ALS2: variants seen among roughly 807,000 people sequenced by gnomAD.
ALS2 encodes the protein alsin Rho guanine nucleotide exchange factor ALS2.
A neutral mutation model predicts 203.4 loss-of-function variants in ALS2; 117 were observed. The observed-to-expected ratio is 0.58, with a 90% confidence interval of 0.50 to 0.67. The LOEUF (loss-of-function observed/expected upper bound fraction) is 0.67, where lower values mean the gene tolerates loss of function less well. ALS2 is among the 30% of genes least tolerant of loss of function. The pLI is 0.00. For synonymous variants in ALS2, 718 were observed against 725.9 expected (o/e 0.99, Z 0.17); for missense variants, 1,715 against 1,989.4 (o/e 0.86, Z 2.62).
chr2:201,746,562 T>G lies in ALS2; in HGVS notation c.1998+4A>C, dbSNP rs773142036. 9 of 1,613,994 alleles carry G rather than the reference T, an allele frequency of 5.6e-6. No homozygotes were observed. The highest frequency in any genetic ancestry group is 1.3e-5 in the African/African-American group (1 of 74,934). On this transcript the variant is annotated splice_donor_region_variant and intron_variant, in intron 9 of 33. Coordinates refer to ENST00000264276, the MANE Select transcript of ALS2 (RefSeq NM_020919.4). ...GTGGGCCTTAGGATCCAATTCCTGT[T>G]CACCTTACTACAGGAGAGAAGTACT...
At chr2:201,726,321 T>C (rs1691160187) in intron 19 of ALS2, among the ~76,000 whole-genome samples, 163 bp downstream of exon 19, 1 of 152,196 alleles carries the variant, frequency 6.6e-6, no homozygotes, top group Non-Finnish European at 1.5e-5. Context: ...TCAGAGGCTG[T>C]ACCCCTCACT....
In ALS2 at chr2:201,761,261, T is replaced by C. The variant is rs754027269; in HGVS notation, c.733A>G (p.Lys245Glu). Residue 245 changes from lysine (K) to glutamate (E), a missense_variant, in exon 4 of 34, where the codon AAA becomes GAA. By Grantham distance (56) the Lys-to-Glu change is moderately conservative. This residue lies in a region of ALS2 where 476 missense variants were observed against 539.3 expected (regional missense o/e 0.88). Transcript: ENST00000264276. ...TCTGATATAATCACATGGTCTTCTT[T>C]GTCAGTCATAGTAATCAAGAGCTGG... Reference protein sequence around the residue: ...CSQLLITMTDKEDHVIISDSH... With the variant: ...CSQLLITMTDEEDHVIISDSH... The C allele has an allele frequency of 6.2e-7, 1 of 1,614,174 alleles. No individual in the cohort carries two copies. The highest frequency in any genetic ancestry group is 1.1e-5 in the South Asian group (1 of 91,080).
At chr2:201,762,006 ACT>A (rs1420939919) in intron 3 of ALS2, among the ~76,000 whole-genome samples, 188 bp from the exon 4 acceptor site, 2 of 152,090 alleles carry the variant, frequency 1.3e-5, no homozygotes, top group Non-Finnish European at 2.9e-5. Flanking sequence ...TTTAAAAATG[ACT>A]CTTTTTAATA....
Position 201,701,782 on chromosome 2 carries a change from A to G in ALS2, c.*69T>C. ...TTCAACACTGTTCTTTTTTGCCACTACAGGAAGACTCCAGATGGTGTTATA... is the reference window on the plus strand; with the variant it reads ...TTCAACACTGTTCTTTTTTGCCACTGCAGGAAGACTCCAGATGGTGTTATA... On this transcript the variant is annotated 3_prime_UTR_variant, in exon 34 of 34. Coordinates refer to ENST00000264276, the MANE Select transcript of ALS2 (RefSeq NM_020919.4). The G allele has an allele frequency of 4.1e-6, 6 of 1,461,228 alleles. No homozygotes were observed. The highest frequency in any genetic ancestry group is 5.8e-6 in the Non-Finnish European group (6 of 1,042,272). The allele number at this position is 1,461,228 out of a possible 1,614,324, so 90.5% of individuals were successfully genotyped here. A position where few individuals can be genotyped will look rare whatever the true frequency, so the allele number is the denominator to read the frequency against.
intron 10 of ALS2, among the ~76,000 whole-genome samples, chr2:201,743,704 T>C (rs1692443199): frequency 6.6e-6 from 1 of 152,180 alleles, no homozygotes; most frequent in African/African-American, 2.4e-5. Flanking sequence ...CTCGAACTCC[T>C]GACCTCATGA....
chr2:201,728,367 T>C (rs1691329139), intron 15 of ALS2, 145 bp downstream of exon 15: 14 of 1,160,426 alleles, frequency 1.2e-5, no homozygotes, highest in Non-Finnish European at 1.5e-5. Flanking sequence ...GTCCTTGCTA[T>C]AGTTTGCTGA....
chr2:201,753,243 C>T lies in ALS2; in HGVS notation c.1641-1G>A. ...ACATTTTACACACAACGGTTGAAGC[C>T]TTAAAAAGAAACACACAGGCACACA... On this transcript the variant is annotated splice_acceptor_variant, in intron 6 of 33. Transcript: ENST00000264276. LOFTEE classifies it high-confidence loss of function. 6.2e-7 allele frequency: 1 copy of T among 1,613,526 alleles called. No homozygotes were observed. The highest frequency in any genetic ancestry group is 8.5e-7 in the Non-Finnish European group (1 of 1,179,518).
At position 201,710,864 on chromosome 2, in the gene ALS2, C is replaced by A. The variant is rs1689986074; in HGVS notation, c.4122+127G>T. 5.9e-6 allele frequency: 4 copies of A among 677,580 alleles called. No individual in the cohort carries two copies. In the South Asian group the frequency reaches 6.9e-5, roughly 12 times the overall value. 42.0% of individuals were successfully genotyped at this position (677,580 alleles called of 1,614,324 possible). A position where few individuals can be genotyped will look rare whatever the true frequency, so the allele number is the denominator to read the frequency against. On this transcript the variant is annotated intron_variant, in intron 26 of 33. Coordinates refer to ENST00000264276, the MANE Select transcript of ALS2 (RefSeq NM_020919.4). ...GTAATCTTGGTAGTTTGATAATTAA[C>A]AAAAGAAATGCACAGGATGCAAAAA...
chr2:201,758,102 GC>G (rs1693512669), intron 4 of ALS2, among the ~76,000 whole-genome samples: 1 of 152,118 alleles, frequency 6.6e-6, no homozygotes, highest in Non-Finnish European at 1.5e-5. Flanking sequence ...TGCCTTTAAT[GC>G]CAAGTGCACT....
Position 201,728,640 on chromosome 2 carries a change from C to T in ALS2, c.2713G>A (p.Asp905Asn), listed in dbSNP as rs1691348038. The change falls in exon 15 of 34, where the codon GAT (aspartate) becomes AAT (asparagine). Residue 905 changes from aspartate (D) to asparagine (N), a missense_variant and splice_region_variant. Physicochemically the swap from Asp to Asn is conservative, Grantham distance 23. This residue lies in a region of ALS2 where 1,227 missense variants were observed against 1,413.5 expected (regional missense o/e 0.87). Transcript: ENST00000264276. ...FWKTFPGKMTDSLRKPERRLL... is the reference protein window; with the variant it reads ...FWKTFPGKMTNSLRKPERRLL... ...CGACGCTCTGGCTTCCTCAAGGAAT[C>T]CTGGAATTAAAGACAAATATAATAC... is the stretch of plus-strand genomic sequence containing the variant. The T allele has an allele frequency of 1.2e-6, 2 of 1,613,714 alleles. No individual in the cohort carries two copies. Among genetic ancestry groups the T allele is most frequent in the Admixed American group, 1.7e-5 (1 of 59,994 alleles).
At chr2:201,779,537 C>G (rs556114225) in intron 1 of ALS2, among the ~76,000 whole-genome samples, 2 of 152,204 alleles carry the variant, frequency 1.3e-5, no homozygotes, top group East Asian at 3.9e-4. Context: ...AGTTCCCTTC[C>G]CCATCACTTA....
intron 8 of ALS2, among the ~76,000 whole-genome samples, chr2:201,748,820 TTAAA>T (rs1692838091): frequency 6.6e-6 from 1 of 152,262 alleles, no homozygotes; most frequent in Non-Finnish European, 1.5e-5. Flanking sequence ...TGTAAAAATC[TTAAA>T]TAGTGACAGA....
chr2:201,719,889 G>A (rs1164210949), intron 23 of ALS2: 1 of 205,976 alleles, frequency 4.9e-6, no homozygotes, highest in Non-Finnish European at 9.9e-6. Context: ...CTCCTAGGAA[G>A]ACAAAAAGTA....
intron 19 of ALS2, 116 bp from the exon 20 acceptor site, chr2:201,725,570 G>T: frequency 1.1e-6 from 1 of 896,936 alleles, no homozygotes; most frequent in Non-Finnish European, 1.8e-6. Context: ...TTCACCTGTA[G>T]GAGTAAAGGG....
intron 3 of ALS2, among the ~76,000 whole-genome samples, chr2:201,765,124 AGTAGCTGGGACTACAG>A (rs1377317924): frequency 6.6e-6 from 1 of 152,110 alleles, no homozygotes; most frequent in African/African-American, 2.4e-5. Context: ...CAGCCTCTGA[AGTAGCTGGGACTACAG>A]GCGCAGGCCT....
Position 201,761,632 on chromosome 2 carries a change from CCAG to C in ALS2, c.359_361del (p.Ala120del), listed in dbSNP as rs1693774824. 1.9e-6 allele frequency: 3 copies of C among 1,614,066 alleles called. No homozygotes were observed. Among genetic ancestry groups the C allele is most frequent in the Non-Finnish European group, 2.5e-6 (3 of 1,180,046 alleles). ...CTGCTGGTTGGCTACTGCACACTGG[CCAG>C]CAGAATTCTCTCCCCACATGTACGC... On this transcript the variant is annotated inframe_deletion, in exon 4 of 34. Coordinates refer to ENST00000264276, the MANE Select transcript of ALS2 (RefSeq NM_020919.4).
At chr2:201,762,075 C>T (rs1310724808) in intron 3 of ALS2, among the ~76,000 whole-genome samples, 1 of 152,184 alleles carries the variant, frequency 6.6e-6, no homozygotes, top group East Asian at 1.9e-4. Flanking sequence ...TTTCCTTCAG[C>T]CTCATCCTAC....
At chr2:201,768,985 T>C in intron 1 of ALS2, 40 bp from the exon 2 acceptor site, 1 of 1,119,176 alleles carries the variant, frequency 8.9e-7, no homozygotes, top group Non-Finnish European at 1.3e-6. Flanking sequence ...TAAAAGAATA[T>C]TTTACCCCTC....
At chr2:201,745,998 C>A (rs528871847) in intron 9 of ALS2, among the ~76,000 whole-genome samples, 1 of 152,112 alleles carries the variant, frequency 6.6e-6, no homozygotes, top group South Asian at 2.1e-4. Context: ...AGAAGTGAAG[C>A]AGGGAAAAAC....
Sources: gnomAD v4.1 joint callset for allele counts (sites outside exome capture counted in the v4.1 genomes callset) on GRCh38, gnomAD v4.1.1 for gene constraint, gnomAD v4.1.1 regional missense constraint, MANE v1.5 for transcripts, NCBI Gene and HGNC (gene_info 2026-07-23, HGNC 2026-07-21) for gene names.